The following LRIG1 variants were observed in gnomAD, a reference collection of about 807,000 sequenced individuals.
LRIG1 encodes leucine-rich repeats and immunoglobulin-like domains protein 1.
Under a neutral mutation model 99.2 loss-of-function variants are expected in LRIG1, and 48 were observed. The ratio of observed to expected loss-of-function variants is 0.48; its 90% CI spans 0.38 to 0.62. The LOEUF (loss-of-function observed/expected upper bound fraction) is 0.62. Among genes scored for constraint, LRIG1 ranks in the 20% least tolerant of loss-of-function variants. LRIG1 has a pLI of 0.00. For synonymous variants in LRIG1, 772 were observed against 596.1 expected (o/e 1.29, Z -4.30); for missense variants, 1,646 against 1,434.4 (o/e 1.15, Z -2.38).
chr3:66,477,896 A>T (rs1575723162), intron 1 of LRIG1, among the ~76,000 whole-genome samples: 1 of 152,054 alleles, frequency 6.6e-6, no homozygotes, highest in Non-Finnish European at 1.5e-5. Flanking sequence ...TAGGAGGATT[A>T]CCAAACAGAT....
chr3:66,492,478 A>C (rs1331291905), intron 1 of LRIG1, among the ~76,000 whole-genome samples: 1 of 152,190 alleles, frequency 6.6e-6, no homozygotes, highest in Non-Finnish European at 1.5e-5. Flanking sequence ...CGTGTTTCTC[A>C]AAGTCCAGCT....
intron 12 of LRIG1, chr3:66,387,834 A>C (rs889065730): frequency 6.6e-6 from 1 of 151,916 alleles, no homozygotes; most frequent in Non-Finnish European, 1.5e-5. Context: ...GGGGTGGCTC[A>C]CGCCTATAAT....
chr3:66,397,697 C>A lies in LRIG1; in HGVS notation c.1304+415G>T, dbSNP rs149833371. Among the ~76,000 whole-genome samples the A allele has an allele frequency of 5.0e-3, 756 of 152,318 alleles. 7 individuals carry two copies. The highest frequency in any genetic ancestry group is 0.017 in the African/African-American group (692 of 41,570). Reference sequence around the variant, plus strand: ...TCCAGAGCTCTGCCTTGCTCACAGCCCACCAGGCTCTGAAGTAGACCCTCT... The same window carrying A: ...TCCAGAGCTCTGCCTTGCTCACAGCACACCAGGCTCTGAAGTAGACCCTCT... On this transcript the variant is annotated intron_variant, in intron 11 of 18. Transcript: ENST00000273261.
chr3:66,459,881 C>A (rs963188739), intron 2 of LRIG1, among the ~76,000 whole-genome samples: 3 of 152,128 alleles, frequency 2.0e-5, no homozygotes, highest in African/African-American at 4.8e-5. Context: ...ACAAAATCAG[C>A]AACAGCACCG....
chr3:66,451,649 G>C lies in LRIG1; in HGVS notation c.291-16C>G. On this transcript the variant is annotated splice_polypyrimidine_tract_variant and intron_variant, in intron 2 of 18. Coordinates refer to ENST00000273261, the MANE Select transcript of LRIG1 (RefSeq NM_015541.3). ...ATTGAGGTACCTGTAACAACAACAA[G>C]AAATTAATCATGTAAGGCATTTGAA... The C allele has an allele frequency of 3.8e-6, 6 of 1,597,164 alleles. No individual in the cohort carries two copies. Among genetic ancestry groups the C allele is most frequent in the Non-Finnish European group, 5.2e-6 (6 of 1,164,960 alleles).
intron 3 of LRIG1, among the ~76,000 whole-genome samples, chr3:66,447,901 A>T (rs1703779481): frequency 6.6e-6 from 1 of 152,210 alleles, no homozygotes; most frequent in Non-Finnish European, 1.5e-5. Context: ...TTAAAAAAGA[A>T]AGAAATCTCA....
In LRIG1 at chr3:66,420,952, G is replaced by C. The variant is rs186374117; in HGVS notation, c.366-3686C>G. On this transcript the variant is annotated intron_variant, in intron 3 of 18. Coordinates refer to ENST00000273261, the MANE Select transcript of LRIG1 (RefSeq NM_015541.3). ...CAATCATGGCAGAAGGCAAAGAAGA[G>C]CAAGTATGTCTTACATGGATGGCAG... is the stretch of plus-strand genomic sequence containing the variant. Among the ~76,000 whole-genome samples, 1,209 of 152,260 alleles carry C rather than the reference G, an allele frequency of 7.9e-3. 16 individuals are homozygous for C. Among genetic ancestry groups the C allele is most frequent in the Admixed American group, 0.034 (525 of 15,296 alleles).
At position 66,386,147 on chromosome 3, in the gene LRIG1, G is replaced by A. The variant is rs1701362020; in HGVS notation, c.1623C>T (p.Asp541=). Residue 541 remains aspartate, a synonymous_variant, in exon 13 of 19, where the codon GAC becomes GAT. Coordinates refer to ENST00000273261, the MANE Select transcript of LRIG1 (RefSeq NM_015541.3). ...KKDNEVLTNA[D]MENFVHVHAQ... Reference sequence around the variant, plus strand: ...CGTGGACGTGGACAAAGTTCTCCATGTCTGCATTGGTCAGGACTTCATTGT... The same window carrying A: ...CGTGGACGTGGACAAAGTTCTCCATATCTGCATTGGTCAGGACTTCATTGT... The A allele has an allele frequency of 6.2e-7, 1 of 1,614,156 alleles. No homozygotes were observed. Among genetic ancestry groups the A allele is most frequent in the Non-Finnish European group, 8.5e-7 (1 of 1,180,040 alleles).
intron 1 of LRIG1, among the ~76,000 whole-genome samples, chr3:66,482,492 A>G: frequency 6.6e-6 from 1 of 152,316 alleles, no homozygotes; most frequent in East Asian, 1.9e-4. Flanking sequence ...ATTTCCATCC[A>G]TTAAACTGGT....
In LRIG1 at chr3:66,429,226, G is replaced by T. The variant is rs368168141; in HGVS notation, c.366-11960C>A. Among the ~76,000 whole-genome samples the T allele has an allele frequency of 7.2e-5, 11 of 152,236 alleles. No homozygotes were observed. In the East Asian group the frequency reaches 1.2e-3, roughly 16 times the overall value. On this transcript the variant is annotated intron_variant, in intron 3 of 18. Coordinates refer to ENST00000273261, the MANE Select transcript of LRIG1 (RefSeq NM_015541.3). ...ACCTTGCTACAGCAGATCCCATTTG[G>T]TTCTCCCACCCATCAACTTACACCC...
chr3:66,405,027 CTCT>C (rs1473956894), intron 9 of LRIG1, among the ~76,000 whole-genome samples, 168 bp downstream of exon 9: 2 of 152,220 alleles, frequency 1.3e-5, no homozygotes, highest in South Asian at 2.1e-4. Context: ...GTCCCCCACC[CTCT>C]TCTTCAAACT....
chr3:66,404,033 A>C (rs542698588), intron 9 of LRIG1, among the ~76,000 whole-genome samples: 161 of 152,216 alleles, frequency 1.1e-3, no homozygotes, highest in Non-Finnish European at 1.8e-3. Flanking sequence ...GAAAATCAGC[A>C]TTGTTTTAGG....
intron 1 of LRIG1, among the ~76,000 whole-genome samples, chr3:66,466,729 C>CTCG: frequency 6.6e-6 from 1 of 152,320 alleles, no homozygotes; most frequent in East Asian, 1.9e-4. Flanking sequence ...TTTCTATGAA[C>CTCG]ACGATCGCCC....
At chr3:66,468,088 C>G (rs1700516152) in intron 1 of LRIG1, among the ~76,000 whole-genome samples, 1 of 152,204 alleles carries the variant, frequency 6.6e-6, no homozygotes, top group South Asian at 2.1e-4. Flanking sequence ...CGGTATTTAT[C>G]TAATCTGACA....
intron 9 of LRIG1, among the ~76,000 whole-genome samples, chr3:66,403,021 G>A (rs1013518979): frequency 6.6e-5 from 10 of 152,122 alleles, no homozygotes; most frequent in Non-Finnish European, 2.9e-5. Context: ...GATCATATGA[G>A]AAGCATTTAC....
At chr3:66,448,932 A>C (rs975149845) in intron 3 of LRIG1, among the ~76,000 whole-genome samples, 1 of 152,230 alleles carries the variant, frequency 6.6e-6, no homozygotes, top group African/African-American at 2.4e-5. Flanking sequence ...AGTGCCTACT[A>C]AATATTTACA....
chr3:66,481,373 T>C (rs1364328094), intron 1 of LRIG1, among the ~76,000 whole-genome samples: 9 of 152,218 alleles, frequency 5.9e-5, no homozygotes, highest in African/African-American at 2.2e-4. Flanking sequence ...GGTTGTTCAT[T>C]AATATATAAT....
At chr3:66,473,022 C>T (rs148959142) in intron 1 of LRIG1, among the ~76,000 whole-genome samples, 2 of 152,220 alleles carry the variant, frequency 1.3e-5, no homozygotes, top group East Asian at 3.9e-4. Flanking sequence ...AGTGGTGACT[C>T]ACTTCTGGAC....
intron 12 of LRIG1, among the ~76,000 whole-genome samples, chr3:66,389,432 A>AT (rs1362375287): frequency 6.6e-6 from 1 of 152,304 alleles, no homozygotes; most frequent in African/African-American, 2.4e-5. Flanking sequence ...ACCATAATGG[A>AT]TAAAAAAAAC....
Sources: gnomAD v4.1 joint callset for allele counts (sites outside exome capture counted in the v4.1 genomes callset) on GRCh38, gnomAD v4.1.1 for gene constraint, MANE v1.5 for transcripts, NCBI Gene and HGNC (gene_info 2026-07-23, HGNC 2026-07-21) for gene names.